CHODL: variants seen among roughly 807,000 people sequenced by gnomAD.
The protein encoded by CHODL is transmembrane protein MT75.
Under a neutral mutation model 34.5 loss-of-function variants are expected in CHODL, and 29 were observed. The observed-to-expected ratio is 0.84, with a 90% CI of 0.63 to 1.15. The LOEUF (loss-of-function observed/expected upper bound fraction) is 1.15, where lower values mean the gene tolerates loss of function less well. Among genes scored for constraint, CHODL ranks in the 50% most tolerant of loss-of-function variants. The probability of loss-of-function intolerance (pLI) is 0.00; values close to 1 mark genes in which losing one functional copy is unlikely to be tolerated. For synonymous variants in CHODL, 125 were observed against 116.1 expected, an observed-to-expected ratio of 1.08 and a Z score of -0.49; for missense variants, 332 against 332.5, an observed-to-expected ratio of 1.00 and a Z score of 0.01.
intron 1 of CHODL, among the ~76,000 whole-genome samples, chr21:17,922,357 G>C (rs767525847): frequency 6.6e-6 from 1 of 152,200 alleles, no homozygotes; most frequent in Admixed American, 6.5e-5. Context: ...CTGCTTTAGA[G>C]GTGGAGCGAG....
At chr21:18,025,812 A>G (rs1039508620) in intron 1 of CHODL, among the ~76,000 whole-genome samples, 64 of 152,010 alleles carry the variant, frequency 4.2e-4, no homozygotes, top group African/African-American at 1.5e-3. Flanking sequence ...TTCATCTTCC[A>G]CGGTCTTTCC....
At chr21:17,970,356 A>C (rs1471182091) in intron 1 of CHODL, among the ~76,000 whole-genome samples, 2 of 152,204 alleles carry the variant, frequency 1.3e-5, no homozygotes, top group African/African-American at 4.8e-5. Flanking sequence ...CAAAATTGAC[A>C]GGCAAAGAAA....
chr21:18,110,538 C>T (rs978429213), intron 2 of CHODL, among the ~76,000 whole-genome samples: 1 of 151,960 alleles, frequency 6.6e-6, no homozygotes, highest in Non-Finnish European at 1.5e-5. Context: ...AGCCATTCCA[C>T]CCATACCTGC....
chr21:18,139,226 G>A (rs1021177740), intron 2 of CHODL, among the ~76,000 whole-genome samples: 1 of 151,782 alleles, frequency 6.6e-6, no homozygotes, highest in Non-Finnish European at 1.5e-5. Flanking sequence ...TTTTTACATT[G>A]TCTGGAAATT....
At chr21:17,965,750 A>G (rs2146356808) in intron 1 of CHODL, among the ~76,000 whole-genome samples, 1 of 152,280 alleles carries the variant, frequency 6.6e-6, no homozygotes, top group Non-Finnish European at 1.5e-5. Context: ...CTAACACAAT[A>G]AAAGTTAGTA....
In CHODL at chr21:18,133,779, G is replaced by A. The variant is rs377073201; in HGVS notation, c.-45+105808G>A. Among the ~76,000 whole-genome samples the A allele has an allele frequency of 3.4e-4, 52 of 152,234 alleles. No individual in the cohort carries two copies. In the East Asian group the frequency reaches 8.1e-3, roughly 24 times the overall value. On this transcript the variant is annotated intron_variant, in intron 2 of 6. Coordinates refer to the CHODL transcript ENST00000400127. ...GCATCACTCTGTAGGGCACGGGGGTGATAGGAATCTTTATGAACATGAAGC... is the reference window on the plus strand; with the variant it reads ...GCATCACTCTGTAGGGCACGGGGGTAATAGGAATCTTTATGAACATGAAGC...
intron 1 of CHODL, among the ~76,000 whole-genome samples, chr21:17,960,092 C>T (rs2063521135): frequency 6.6e-6 from 1 of 152,002 alleles, no homozygotes; most frequent in Admixed American, 6.6e-5. Context: ...ATGTATTTGC[C>T]CCTCAAGATG....
intron 2 of CHODL, among the ~76,000 whole-genome samples, chr21:18,189,796 G>A (rs1310767908): frequency 2.6e-5 from 4 of 151,778 alleles, no homozygotes; most frequent in Non-Finnish European, 4.4e-5. Flanking sequence ...CACCATGCCC[G>A]GCTAATTTTT....
At chr21:18,163,798 TA>T (rs1010623906) in intron 2 of CHODL, among the ~76,000 whole-genome samples, 5 of 151,930 alleles carry the variant, frequency 3.3e-5, no homozygotes, top group Admixed American at 6.6e-5. Context: ...TTTTCTGTGT[TA>T]AAAAAAAGGC....
In CHODL at chr21:18,082,333, A is replaced by G. The variant is rs570670911; in HGVS notation, c.-45+54362A>G. The stretch of plus-strand genomic sequence containing the variant: ...GCCTGTGGAACTGTGAGTCAATTAA[A>G]CCTCCTTTCTTCACAAATTACCCAG... On this transcript the variant is annotated intron_variant, in intron 2 of 6. Transcript: ENST00000400127. Among the ~76,000 whole-genome samples, 113 of 152,246 alleles carry G rather than the reference A, an allele frequency of 7.4e-4. 1 individual carries two copies. The South Asian group carries it at 0.022, about 30-fold the overall frequency.
intron 2 of CHODL, among the ~76,000 whole-genome samples, chr21:18,204,064 A>G (rs1054247964): frequency 2.0e-5 from 3 of 152,146 alleles, no homozygotes; most frequent in African/African-American, 7.2e-5. Flanking sequence ...AGCTGTTATA[A>G]CATTTGGTAT....
At chr21:17,976,992 C>T (rs2063668545) in intron 1 of CHODL, among the ~76,000 whole-genome samples, 1 of 152,184 alleles carries the variant, frequency 6.6e-6, no homozygotes, top group African/African-American at 2.4e-5. Flanking sequence ...CAACTAGCCA[C>T]ACTGTAGTAG....
chr21:18,152,765 A>G (rs1320249337), intron 2 of CHODL, among the ~76,000 whole-genome samples: 3 of 152,324 alleles, frequency 2.0e-5, no homozygotes, highest in Non-Finnish European at 2.9e-5. Flanking sequence ...CGTTCATGGT[A>G]TATGCACCAG....
intron 1 of CHODL, among the ~76,000 whole-genome samples, chr21:18,019,263 T>C (rs927011221): frequency 5.3e-5 from 8 of 152,288 alleles, no homozygotes; most frequent in Admixed American, 6.5e-5. Flanking sequence ...ATTAGTATTG[T>C]GTGCTATGGA....
intron 1 of CHODL, among the ~76,000 whole-genome samples, chr21:18,248,958 A>ATC (rs2074194404): frequency 9.0e-6 from 1 of 111,136 alleles, no homozygotes; most frequent in African/African-American, 4.4e-5. Flanking sequence ...ATATATATGT[A>ATC]ATATATACAT....
At chr21:17,997,158 A>T (rs1319612374) in intron 1 of CHODL, among the ~76,000 whole-genome samples, 3 of 152,180 alleles carry the variant, frequency 2.0e-5, no homozygotes, top group African/African-American at 7.2e-5. Flanking sequence ...TCTCCTGGAG[A>T]AATTCTCATG....
chr21:18,224,628 A>C (rs1568944169), intron 2 of CHODL, among the ~76,000 whole-genome samples: 1 of 152,120 alleles, frequency 6.6e-6, no homozygotes, highest in African/African-American at 2.4e-5. Context: ...ATTAGTATAG[A>C]GCTTATTCCT....
intron 2 of CHODL, among the ~76,000 whole-genome samples, chr21:18,120,351 G>T (rs1390222870): frequency 6.6e-6 from 1 of 152,136 alleles, no homozygotes; most frequent in African/African-American, 2.4e-5. Context: ...AAATTAATGT[G>T]CATACCCTGT....
chr21:18,054,597 G>C (rs1450537481), intron 2 of CHODL, among the ~76,000 whole-genome samples: 1 of 151,918 alleles, frequency 6.6e-6, no homozygotes, highest in Non-Finnish European at 1.5e-5. Flanking sequence ...AGTTACCAGG[G>C]CATAGGGTGT....
Sources: allele counts gnomAD v4.1 joint callset (sites outside exome capture counted in the v4.1 genomes callset), GRCh38; gene constraint gnomAD v4.1.1; transcripts MANE v1.5; gene names NCBI Gene and HGNC (gene_info 2026-07-23, HGNC 2026-07-21).